The following CUX2 variants were observed in gnomAD, a reference collection of about 807,000 sequenced individuals.
CUX2 encodes homeobox protein cut-like 2.
A neutral mutation model predicts 144.8 loss-of-function variants in CUX2; 40 were observed. The ratio of observed to expected loss-of-function variants is 0.28; its 90% CI spans 0.21 to 0.36. The LOEUF is 0.36. Among genes scored for constraint, CUX2 ranks in the 10% least tolerant of loss-of-function variants. CUX2 has a pLI of 1.00. For synonymous variants in CUX2, 827 were observed against 875.6 expected, an observed-to-expected ratio of 0.94 and a Z score of 0.98; for missense variants, 1,615 against 1,994.0, an observed-to-expected ratio of 0.81 and a Z score of 3.62.
intron 1 of CUX2, among the ~76,000 whole-genome samples, chr12:111,080,255 A>G (rs1168173589): frequency 6.6e-5 from 10 of 151,864 alleles, no homozygotes; most frequent in Admixed American, 6.5e-4. Flanking sequence ...ACACACACAC[A>G]CACCTACACA....
chr12:111,175,632 A>T (rs1035314121), intron 1 of CUX2, among the ~76,000 whole-genome samples: 1 of 152,126 alleles, frequency 6.6e-6, no homozygotes, highest in South Asian at 2.1e-4. Flanking sequence ...GTCTACACTC[A>T]TAACATTTGC....
intron 1 of CUX2, among the ~76,000 whole-genome samples, chr12:111,042,052 A>G (rs1005972490): frequency 6.6e-6 from 1 of 152,188 alleles, no homozygotes; most frequent in African/African-American, 2.4e-5. Flanking sequence ...CAGTTCCAGG[A>G]TATGCATTTG....
chr12:111,088,600 C>G (rs932529578), intron 1 of CUX2, among the ~76,000 whole-genome samples: 1 of 152,114 alleles, frequency 6.6e-6, no homozygotes, highest in African/African-American at 2.4e-5. Context: ...TTCATAGGAG[C>G]CCTGTGGAGT....
chr12:111,070,376 TCTTCCTTCCTTCCTTCTTTC>T (rs1297254199), intron 1 of CUX2, among the ~76,000 whole-genome samples: 5 of 124,750 alleles, frequency 4.0e-5, no homozygotes, highest in African/African-American at 1.2e-4. Context: ...CTCCCTCCCT[TCTTCCTTCCTTCCTTCTTTC>T]CTTCCTTCCT....
At chr12:111,046,176 C>CT (rs1869986702) in intron 1 of CUX2, among the ~76,000 whole-genome samples, 2 of 152,364 alleles carry the variant, frequency 1.3e-5, no homozygotes, top group African/African-American at 4.8e-5. Context: ...TGCGCTGGCT[C>CT]TTTGCAGAGA....
intron 1 of CUX2, among the ~76,000 whole-genome samples, chr12:111,161,914 T>C (rs1877795723): frequency 6.6e-6 from 1 of 152,150 alleles, no homozygotes; most frequent in African/African-American, 2.4e-5. Context: ...TTTGTATTTT[T>C]CTGTAGAGAC....
At chr12:111,340,186 G>A (rs1370957563) in intron 20 of CUX2, among the ~76,000 whole-genome samples, 2 of 152,160 alleles carry the variant, frequency 1.3e-5, no homozygotes, top group African/African-American at 2.4e-5. Context: ...GCGACAGAGC[G>A]AGACTCCATC....
intron 1 of CUX2, among the ~76,000 whole-genome samples, chr12:111,058,877 A>G (rs928839598): frequency 2.0e-5 from 3 of 152,206 alleles, no homozygotes; most frequent in Non-Finnish European, 4.4e-5. Flanking sequence ...CCTAGGTACA[A>G]TACTCATATA....
chr12:111,210,196 C>A (rs1592842261), intron 1 of CUX2, among the ~76,000 whole-genome samples: 1 of 152,304 alleles, frequency 6.6e-6, no homozygotes, highest in South Asian at 2.1e-4. Flanking sequence ...GAATTTTTTT[C>A]CATTCCTTCA....
intron 4 of CUX2, chr12:111,270,611 G>C (rs1884594960): frequency 6.6e-6 from 1 of 150,682 alleles, no homozygotes; most frequent in African/African-American, 2.5e-5. Flanking sequence ...GCTTCAGAAG[G>C]CTAACTTGTT....
chr12:111,261,543 T>C (rs1488689774), intron 3 of CUX2, among the ~76,000 whole-genome samples: 1 of 152,132 alleles, frequency 6.6e-6, no homozygotes, highest in African/African-American at 2.4e-5. Context: ...TGGCCATAGC[T>C]GTGTCTCCCA....
At chr12:111,045,176 G>C (rs527968695) in intron 1 of CUX2, among the ~76,000 whole-genome samples, 3 of 152,266 alleles carry the variant, frequency 2.0e-5, no homozygotes, top group Admixed American at 6.5e-5. Context: ...AAGCGGCCTG[G>C]GTCTCTGGAC....
In CUX2 at chr12:111,061,166, G is replaced by A. The variant is rs1167565522; in HGVS notation, c.63+26926G>A. Among the ~76,000 whole-genome samples, 1 of 141,606 alleles carries A rather than the reference G, an allele frequency of 7.1e-6. No individual in the cohort carries two copies. The highest frequency in any genetic ancestry group is 1.5e-5 in the Non-Finnish European group (1 of 65,996). 92.9% of individuals were successfully genotyped at this position (141,606 alleles called of 152,430 possible). The stretch of plus-strand genomic sequence containing the variant: ...GCAGGCCCAAGCTGTCCCCAGATGT[G>A]TGCATGCATATGCACACACACACAC... On this transcript the variant is annotated intron_variant, in intron 1 of 21. Coordinates refer to ENST00000261726, the MANE Select transcript of CUX2 (RefSeq NM_015267.4). This position sits in a 1 kb window ranked among gnomAD's most constrained non-coding sequence, Gnocchi z 4.2.
At chr12:111,176,457 A>C (rs910266110) in intron 1 of CUX2, among the ~76,000 whole-genome samples, 1 of 152,112 alleles carries the variant, frequency 6.6e-6, no homozygotes, top group Non-Finnish European at 1.5e-5. Context: ...TACCTCTTGA[A>C]GCCTCAGTTT....
intron 1 of CUX2, among the ~76,000 whole-genome samples, chr12:111,131,067 G>T (rs998824632): frequency 6.6e-6 from 1 of 152,144 alleles, no homozygotes; most frequent in Admixed American, 6.6e-5. Context: ...GTATTAGTTT[G>T]TTTTCACACT....
At chr12:111,200,415 C>G (rs1467400504) in intron 1 of CUX2, among the ~76,000 whole-genome samples, 1 of 151,818 alleles carries the variant, frequency 6.6e-6, no homozygotes, top group African/African-American at 2.4e-5. Flanking sequence ...CCATTCTTTC[C>G]TTTCTGGAAG....
chr12:111,329,490 T>C (rs1441104255), intron 18 of CUX2, among the ~76,000 whole-genome samples: 1 of 152,012 alleles, frequency 6.6e-6, no homozygotes, highest in African/African-American at 2.4e-5. Context: ...GGGAGTGGGA[T>C]TGGGGGGTGG....
chr12:111,120,977 A>T (rs1874619471), intron 1 of CUX2, among the ~76,000 whole-genome samples: 1 of 152,016 alleles, frequency 6.6e-6, no homozygotes, highest in South Asian at 2.1e-4. Context: ...TCCTGTTTCT[A>T]CTGAATTGCT....
rs541905593 is a variant in CUX2, at chr12:111,105,341, G to T, written c.63+71101G>T. ...CCATGGCCTCGGGGGCCCGATGCTG[G>T]TTGATTTGATCACTGAGTTGATAGG... On this transcript the variant is annotated intron_variant, in intron 1 of 21. Transcript: ENST00000261726. Among the ~76,000 whole-genome samples, 30 of 152,372 alleles carry T rather than the reference G, an allele frequency of 2.0e-4. No individual in the cohort carries two copies. The South Asian group carries it at 6.0e-3, about 31-fold the overall frequency.
Sources: allele counts gnomAD v4.1 joint callset (sites outside exome capture counted in the v4.1 genomes callset), GRCh38; gene constraint gnomAD v4.1.1; non-coding constraint Gnocchi (gnomAD v3.1); transcripts MANE v1.5; gene names NCBI Gene and HGNC (gene_info 2026-07-23, HGNC 2026-07-21).